Variants in PDE8B observed in about 807,000 individuals in gnomAD.
PDE8B encodes the protein high affinity cAMP-specific and IBMX-insensitive 3',5'-cyclic phosphodiesterase 8B.
Under a neutral mutation model 101.3 loss-of-function variants are expected in PDE8B, and 26 were observed. The ratio of observed to expected loss-of-function variants is 0.26; its 90% confidence interval spans 0.19 to 0.36. The LOEUF (loss-of-function observed/expected upper bound fraction) is 0.36. PDE8B is among the 10% of genes least tolerant of loss of function. The pLI is 1.00. For synonymous variants in PDE8B, 424 were observed against 429.3 expected (o/e 0.99, Z 0.15); for missense variants, 810 against 1,163.1 (o/e 0.70, Z 4.42).
At chr5:77,413,084 G>GC in intron 16 of PDE8B, 27 bp from the exon 17 acceptor site, 3 of 1,595,352 alleles carry the variant, frequency 1.9e-6, no homozygotes, top group African/African-American at 2.7e-5. Context: ...AATACAATGA[G>GC]CCAGGGTGGG....
At chr5:77,306,913 A>G (rs1294179060) in intron 1 of PDE8B, among the ~76,000 whole-genome samples, 1 of 152,012 alleles carries the variant, frequency 6.6e-6, no homozygotes, top group Non-Finnish European at 1.5e-5. Context: ...ACTTGCTTTC[A>G]TTGCTGTAGT....
At chr5:77,114,906 T>C in the PDE8B span, 5 of 152,202 alleles carry the variant, frequency 3.3e-5, no homozygotes, top group Non-Finnish European at 5.9e-5. Flanking sequence ...TAACCTGAAT[T>C]GCAATAATGA....
intron 10 of PDE8B, among the ~76,000 whole-genome samples, chr5:77,365,873 G>A (rs948795229): frequency 6.6e-6 from 1 of 152,228 alleles, no homozygotes; most frequent in Non-Finnish European, 1.5e-5. Context: ...CGTAGGGGTA[G>A]ATGATGTGCT....
At chr5:77,120,376 A>G in the PDE8B span, among the ~76,000 whole-genome samples, 1 of 152,222 alleles carries the variant, frequency 6.6e-6, no homozygotes, top group Non-Finnish European at 1.5e-5. Flanking sequence ...ACTGAATGGT[A>G]CACTTACAAG....
chr5:77,107,249 G>C, the PDE8B span, among the ~76,000 whole-genome samples: 1 of 152,128 alleles, frequency 6.6e-6, no homozygotes, highest in Non-Finnish European at 1.5e-5. Context: ...TTTTATGGCT[G>C]CATAGTATTC....
intron 1 of PDE8B, among the ~76,000 whole-genome samples, chr5:77,273,328 G>A (rs112564570): frequency 7.9e-5 from 12 of 152,238 alleles, no homozygotes; most frequent in African/African-American, 2.9e-4. Flanking sequence ...TCTTGAACAG[G>A]CAGGTAATAG....
At chr5:77,087,466 G>A in the PDE8B span, 1 of 152,370 alleles carries the variant, frequency 6.6e-6, no homozygotes, top group South Asian at 2.1e-4. Flanking sequence ...GAGTCTCAGA[G>A]CGCGGTTTGC....
chr5:77,387,921 A>G (rs1194048513), intron 10 of PDE8B, among the ~76,000 whole-genome samples: 1 of 151,962 alleles, frequency 6.6e-6, no homozygotes, highest in East Asian at 1.9e-4. Flanking sequence ...TTTTTCAGCT[A>G]CATCAGGTCA....
chr5:77,261,520 G>A (rs1035865139), intron 1 of PDE8B, among the ~76,000 whole-genome samples: 4 of 152,182 alleles, frequency 2.6e-5, no homozygotes, highest in Admixed American at 6.5e-5. Flanking sequence ...TTAATCACTA[G>A]CATTTTAACA....
At chr5:77,128,312 G>C in the PDE8B span, among the ~76,000 whole-genome samples, 1 of 152,174 alleles carries the variant, frequency 6.6e-6, no homozygotes, top group African/African-American at 2.4e-5. Flanking sequence ...GACCGTCCTG[G>C]CTACCTGCAA....
the PDE8B span, chr5:77,151,344 G>A: frequency 2.0e-5 from 3 of 152,278 alleles, no homozygotes; most frequent in African/African-American, 7.2e-5. Context: ...ATTGACCACA[G>A]TGAACTGGGG....
At chr5:77,178,067 GC>G in the PDE8B span, among the ~76,000 whole-genome samples, 2 of 152,164 alleles carry the variant, frequency 1.3e-5, no homozygotes, top group African/African-American at 2.4e-5. Flanking sequence ...CCTCCCAGTT[GC>G]CACAGACATG....
intron 6 of PDE8B, among the ~76,000 whole-genome samples, chr5:77,339,244 G>A (rs1470106917): frequency 2.0e-5 from 3 of 152,222 alleles, no homozygotes; most frequent in Middle Eastern, 3.4e-3. Flanking sequence ...CATTGGACCC[G>A]TTGTTGAGGT....
chr5:77,421,980 T>C lies in PDE8B; in HGVS notation c.2410T>C (p.Phe804Leu). The change falls in exon 20 of 22, where the codon TTT (phenylalanine) becomes CTT (leucine). Residue 804 changes from phenylalanine (F) to leucine (L), a missense_variant. By Grantham distance (22) the Phe-to-Leu change is conservative (BLOSUM62 0). Transcript: ENST00000264917. ...EWAGRISEEY[F>L]AQTDEEKRQG... is the part of the protein sequence containing the mutation. ...GGCTGGGAGGATCTCTGAGGAGTAT[T>C]TTGCACAGGTGCGCCATCTTTCCAG... The C allele has an allele frequency of 6.2e-7, 1 of 1,614,028 alleles. No individual in the cohort carries two copies. Among genetic ancestry groups the C allele is most frequent in the African/African-American group, 1.3e-5 (1 of 75,054 alleles).
chr5:77,299,622 A>G (rs1769452666), intron 1 of PDE8B, among the ~76,000 whole-genome samples: 1 of 151,972 alleles, frequency 6.6e-6, no homozygotes, highest in Non-Finnish European at 1.5e-5. Flanking sequence ...TTATGGCTGC[A>G]TAGTATTCCA....
At chr5:77,175,743 C>A in the PDE8B span, among the ~76,000 whole-genome samples, 152 of 152,248 alleles carry the variant, frequency 1.0e-3, no homozygotes, top group African/African-American at 3.5e-3. Flanking sequence ...AGTAGTTGCT[C>A]AAAAATATTT....
intron 9 of PDE8B, among the ~76,000 whole-genome samples, chr5:77,351,908 G>T (rs1781196267): frequency 6.6e-6 from 1 of 152,154 alleles, no homozygotes; most frequent in Admixed American, 6.5e-5. Context: ...AGCCCCACCT[G>T]TGACTCTTAG....
chr5:77,166,373 G>C, the PDE8B span, among the ~76,000 whole-genome samples: 10 of 152,278 alleles, frequency 6.6e-5, no homozygotes, highest in Non-Finnish European at 1.2e-4. Context: ...AAGGGCCTGA[G>C]GTCTAGGCAT....
chr5:77,408,844 G>A, intron 13 of PDE8B, 49 bp from the exon 14 acceptor site: 1 of 1,472,856 alleles, frequency 6.8e-7, no homozygotes, highest in East Asian at 2.3e-5. Flanking sequence ...TGACTTTTGG[G>A]AAGTAGAACC....
Sources: gnomAD v4.1 joint callset for allele counts (sites outside exome capture counted in the v4.1 genomes callset) on GRCh38, gnomAD v4.1.1 for gene constraint, MANE v1.5 for transcripts, NCBI Gene and HGNC (gene_info 2026-07-23, HGNC 2026-07-21) for gene names.